Variants in USH2A observed in about 807,000 individuals in gnomAD.
USH2A encodes Usher syndrome 2A (autosomal recessive, mild).
Under a neutral mutation model 538.9 loss-of-function variants are expected in USH2A, and 443 were observed. The ratio of observed to expected loss-of-function variants is 0.82; its 90% CI spans 0.76 to 0.89. The LOEUF is 0.89. Ranked by LOEUF, USH2A falls within the 40% of genes least tolerant of loss-of-function variation. The pLI is 0.00. For missense variants in USH2A, 6,633 were observed against 6,324.8 expected, an observed-to-expected ratio of 1.05 and a Z score of -1.65; for synonymous variants, 2,413 against 2,273.5, an observed-to-expected ratio of 1.06 and a Z score of -1.75.
rs1168314932 is a variant in USH2A, at chr1:216,398,985, GA to G, written c.651+19528del. ...AGGGCTGATCTTTCATCCCCTGTCT[GA>G]AAGGAGTCAGCCATGCTCCAACTCT... On this transcript the variant is annotated intron_variant, in intron 3 of 71. Coordinates refer to ENST00000307340, the MANE Select transcript of USH2A (RefSeq NM_206933.4). Among the ~76,000 whole-genome samples the G allele has an allele frequency of 5.9e-5, 9 of 152,280 alleles. No individual in the cohort carries two copies. The South Asian group carries it at 6.2e-4, about 11-fold the overall frequency.
intron 70 of USH2A, among the ~76,000 whole-genome samples, 156 bp downstream of exon 70, chr1:215,634,303 C>G (rs111994643): frequency 2.0e-5 from 3 of 152,182 alleles, no homozygotes; most frequent in African/African-American, 7.2e-5. Context: ...GTTGAGAAAG[C>G]TGTTCTAGGG....
intron 15 of USH2A, among the ~76,000 whole-genome samples, chr1:216,210,998 G>T (rs1346769435): frequency 6.9e-6 from 1 of 145,102 alleles, no homozygotes; most frequent in Admixed American, 7.0e-5. Context: ...AACAAAAAGG[G>T]TGTTTGGGGT....
chr1:215,994,628 A>T (rs1668091968), intron 34 of USH2A, among the ~76,000 whole-genome samples: 1 of 152,120 alleles, frequency 6.6e-6, no homozygotes, highest in South Asian at 2.1e-4. Flanking sequence ...AAGATTGGGT[A>T]CCTAATTAAC....
At chr1:215,993,528 AC>A (rs1668056976) in intron 34 of USH2A, among the ~76,000 whole-genome samples, 1 of 152,000 alleles carries the variant, frequency 6.6e-6, no homozygotes, top group Non-Finnish European at 1.5e-5. Flanking sequence ...ACACACACAC[AC>A]ACACACACAC....
intron 4 of USH2A, among the ~76,000 whole-genome samples, chr1:216,355,359 G>GAAAGAAAGAAAGAAAGAAAGAAAGAA (rs1558051889): frequency 2.7e-5 from 4 of 149,568 alleles, no homozygotes; most frequent in Admixed American, 6.7e-5. Flanking sequence ...AAGAAAGAAA[G>GAAAGAAAGAAAGAAAGAAAGAAAGAA]AAAGAAAGAA....
At chr1:216,192,698 TCTCA>T (rs2034744610) in intron 19 of USH2A, among the ~76,000 whole-genome samples, 1 of 151,918 alleles carries the variant, frequency 6.6e-6, no homozygotes, top group South Asian at 2.1e-4. Flanking sequence ...CGAGACTCTG[TCTCA>T]AAGAAATAAA....
intron 61 of USH2A, among the ~76,000 whole-genome samples, chr1:215,706,035 T>C (rs1004469766): frequency 6.6e-6 from 1 of 152,224 alleles, no homozygotes; most frequent in Non-Finnish European, 1.5e-5. Flanking sequence ...CCTTATGAGA[T>C]AGACACTATT....
At chr1:215,856,633 T>C (rs1664173614) in intron 44 of USH2A, among the ~76,000 whole-genome samples, 1 of 152,138 alleles carries the variant, frequency 6.6e-6, no homozygotes, top group African/African-American at 2.4e-5. Context: ...TGAAAAATAG[T>C]GTGGAGATTC....
intron 37 of USH2A, among the ~76,000 whole-genome samples, chr1:215,953,658 G>T (rs1462155044): frequency 6.6e-6 from 1 of 152,052 alleles, no homozygotes; most frequent in Non-Finnish European, 1.5e-5. Context: ...CATGGGCAAG[G>T]ACTTCATGTC....
Position 215,623,674 on chromosome 1 carries a change from C to G in USH2A, c.*2107G>C, listed in dbSNP as rs1655888342. On this transcript the variant is annotated 3_prime_UTR_variant, in exon 72 of 72. Coordinates refer to ENST00000307340, the MANE Select transcript of USH2A (RefSeq NM_206933.4). ...CTATGGAGTCAAAATGTAAATGATTCAGCTAACTGAGTTCATGTCTAATTA... is the reference window on the plus strand; with the variant it reads ...CTATGGAGTCAAAATGTAAATGATTGAGCTAACTGAGTTCATGTCTAATTA... 1 of 152,082 alleles carries G rather than the reference C, an allele frequency of 6.6e-6. No homozygotes were observed. Among genetic ancestry groups the G allele is most frequent in the East Asian group, 1.9e-4 (1 of 5,182 alleles). The allele number at this position is 152,082 out of a possible 1,614,324, so 9.4% of individuals were successfully genotyped here.
intron 32 of USH2A, among the ~76,000 whole-genome samples, chr1:216,024,252 T>C (rs755922741): frequency 6.6e-6 from 1 of 152,054 alleles, no homozygotes; most frequent in Non-Finnish European, 1.5e-5. Flanking sequence ...TGTGTAAACA[T>C]GAGTGAATCA....
chr1:215,840,079 C>G (rs1663632607), intron 46 of USH2A, among the ~76,000 whole-genome samples: 1 of 134,940 alleles, frequency 7.4e-6, no homozygotes. Flanking sequence ...ACGAGAATCT[C>G]TTGATTCCAG....
intron 38 of USH2A, among the ~76,000 whole-genome samples, chr1:215,909,149 C>A (rs1395295805): frequency 6.6e-6 from 1 of 151,580 alleles, no homozygotes; most frequent in African/African-American, 2.4e-5. Flanking sequence ...ATATGCCTAG[C>A]ACTATTCCAT....
intron 11 of USH2A, among the ~76,000 whole-genome samples, chr1:216,272,378 G>A (rs1419164692): frequency 6.6e-6 from 1 of 152,016 alleles, no homozygotes; most frequent in Non-Finnish European, 1.5e-5. Flanking sequence ...TTGGTACTTT[G>A]TGTTTTCTGC....
chr1:216,150,844 C>T (rs553366083), intron 21 of USH2A, among the ~76,000 whole-genome samples: 1 of 152,316 alleles, frequency 6.6e-6, no homozygotes, highest in Non-Finnish European at 1.5e-5. Context: ...TTCACCTTCT[C>T]GATGTTCCTT....
chr1:215,810,857 T>C (rs1419025717), intron 49 of USH2A, among the ~76,000 whole-genome samples: 2 of 152,228 alleles, frequency 1.3e-5, no homozygotes, highest in African/African-American at 4.8e-5. Flanking sequence ...GTGGAAAATC[T>C]GGTTTACTAG....
rs180953972 is a variant in USH2A, at chr1:216,220,399, T to C, written c.2994-2849A>G. Among the ~76,000 whole-genome samples, 159 of 148,112 alleles carry C rather than the reference T, an allele frequency of 1.1e-3. 2 individuals are homozygous for C. Among genetic ancestry groups the C allele is most frequent in the Non-Finnish European group, 1.9e-3 (129 of 67,086 alleles). The stretch of plus-strand genomic sequence containing the variant: ...TCCTCAAGGAGCTCACAATCTCGTA[T>C]GCAAGAAAAAACGGAAACAGCATTA... On this transcript the variant is annotated intron_variant, in intron 14 of 71. Coordinates refer to ENST00000307340, the MANE Select transcript of USH2A (RefSeq NM_206933.4).
chr1:215,911,111 T>G lies in USH2A; in HGVS notation c.7301-10206A>C, dbSNP rs1047866531. 3.4e-4 allele frequency among the ~76,000 whole-genome samples: 52 copies of G among 152,046 alleles called. 1 individual carries two copies. Among genetic ancestry groups the G allele is most frequent in the South Asian group, 4.1e-4 (2 of 4,826 alleles). On this transcript the variant is annotated intron_variant, in intron 38 of 71. Coordinates refer to ENST00000307340, the MANE Select transcript of USH2A (RefSeq NM_206933.4). Reference sequence around the variant, plus strand: ...TAGGAGGTATATTTATTGGGGCACATGAGATGTTTTGATACAGGCATGCAA... The same window carrying G: ...TAGGAGGTATATTTATTGGGGCACAGGAGATGTTTTGATACAGGCATGCAA...
In USH2A at chr1:215,844,363, C is replaced by T. The variant is rs1403708355; in HGVS notation, c.9189G>A (p.Lys3063=). 5.0e-6 allele frequency: 8 copies of T among 1,613,796 alleles called. 1 individual carries two copies. The South Asian group carries it at 8.8e-5, about 18-fold the overall frequency. The change falls in exon 46 of 72, where the codon AAG becomes AAA. Residue 3063 remains lysine, a synonymous_variant. Transcript: ENST00000307340. ...ACGACCCAGGCACATTCATTCCAGT[C>T]TTGTAGAGCTTATTATTTACATAGA... ...YSIYVNNKLY[K]TGMNVPGSFI... is the part of the protein sequence containing the mutation.
Sources: gnomAD v4.1 joint callset for allele counts (sites outside exome capture counted in the v4.1 genomes callset) on GRCh38, gnomAD v4.1.1 for gene constraint, MANE v1.5 for transcripts, NCBI Gene and HGNC (gene_info 2026-07-23, HGNC 2026-07-21) for gene names.